Variants in DMD observed in about 807,000 individuals in gnomAD.
DMD encodes dystrophin.
A neutral mutation model predicts 330.1 loss-of-function variants in DMD; 63 were observed. That is an observed-to-expected ratio of 0.19 (90% confidence interval 0.16 to 0.24). DMD has a LOEUF of 0.24. DMD is among the 10% of genes least tolerant of loss of function. The pLI, the probability that DMD is intolerant of heterozygous loss-of-function variation, is 1.00. For synonymous variants in DMD, 1,223 were observed against 959.8 expected (o/e 1.27, Z -5.07); for missense variants, 3,344 against 2,684.1 (o/e 1.25, Z -5.43).
intron 11 of DMD, among the ~76,000 whole-genome samples, chrX:32,623,391 A>T (rs1473575963): frequency 8.9e-6 from 1 of 111,771 alleles, no homozygotes; most frequent in East Asian, 2.8e-4. Context: ...GGTTTAAATA[A>T]AGGGGTGACT....
At chrX:31,436,222 T>C (rs961199551) in intron 60 of DMD, among the ~76,000 whole-genome samples, 2 of 112,214 alleles carry the variant, frequency 1.8e-5, no homozygotes, top group Non-Finnish European at 3.8e-5. Flanking sequence ...AGTTCCCGAT[T>C]AAAACAAATT....
At chrX:31,582,076 A>AT (rs2076367158) in intron 55 of DMD, among the ~76,000 whole-genome samples, 1 of 111,593 alleles carries the variant, frequency 9.0e-6, no homozygotes, top group Non-Finnish European at 1.9e-5. Context: ...CACATTGTGC[A>AT]CATGTACCCT....
chrX:33,094,081 T>C (rs976936253), intron 1 of DMD, among the ~76,000 whole-genome samples: 3 of 111,221 alleles, frequency 2.7e-5, no homozygotes, highest in Non-Finnish European at 3.8e-5. Context: ...TGTGTGTTTT[T>C]TTTTTCTGCA....
intron 52 of DMD, among the ~76,000 whole-genome samples, chrX:31,680,440 C>T (rs955298331): frequency 2.7e-5 from 3 of 109,503 alleles, no homozygotes; most frequent in East Asian, 2.8e-4. Flanking sequence ...GTGCAATCTC[C>T]GCTCACTGCA....
intron 11 of DMD, among the ~76,000 whole-genome samples, chrX:32,620,210 T>C (rs1013593539): frequency 8.9e-6 from 1 of 111,991 alleles, no homozygotes; most frequent in African/African-American, 3.2e-5. Context: ...TCAGCATCTT[T>C]ATCCTCATAC....
intron 44 of DMD, among the ~76,000 whole-genome samples, chrX:32,205,005 T>TCTCTCTCTCACACACACA (rs60181300): frequency 1.0e-4 from 3 of 29,231 alleles, no homozygotes; most frequent in East Asian, 8.0e-4. Context: ...TCTCTCTCTC[T>TCTCTCTCTCACACACACA]CACATACACA....
chrX:31,206,127 C>T (rs1476953072), intron 66 of DMD, among the ~76,000 whole-genome samples: 2 of 112,458 alleles, frequency 1.8e-5, no homozygotes, highest in African/African-American at 6.5e-5. Context: ...AGTCACGTCA[C>T]GGAATTGGAT....
At chrX:32,608,042 T>C (rs1266889169) in intron 12 of DMD, among the ~76,000 whole-genome samples, 2 of 110,082 alleles carry the variant, frequency 1.8e-5, no homozygotes, top group African/African-American at 6.6e-5. Flanking sequence ...TGATCAGGTA[T>C]AATTTTCGTA....
chrX:31,346,483 C>T lies in DMD; in HGVS notation c.9163+2073G>A, dbSNP rs757336049. On this transcript the variant is annotated intron_variant, in intron 61 of 78. Transcript: ENST00000357033. The stretch of plus-strand genomic sequence containing the variant: ...GTGGTAAAGTATGGCTTTTTAAATA[C>T]CAAAAAACTCAACACATATACTTTT... Among the ~76,000 whole-genome samples, 5 of 110,464 alleles carry T rather than the reference C, an allele frequency of 4.5e-5. No homozygotes were observed. The East Asian group carries it at 1.4e-3, about 31-fold the overall frequency.
intron 2 of DMD, among the ~76,000 whole-genome samples, chrX:32,968,067 G>A (rs1354104925): frequency 9.0e-6 from 1 of 111,685 alleles, no homozygotes; most frequent in Non-Finnish European, 1.9e-5. Context: ...GTTCATCTTT[G>A]TATTTTAGGC....
intron 4 of DMD, among the ~76,000 whole-genome samples, chrX:32,835,595 T>C (rs1444509316): frequency 8.9e-6 from 1 of 111,977 alleles, no homozygotes; most frequent in Non-Finnish European, 1.9e-5. Flanking sequence ...AGAATGCAAA[T>C]TGGAACACAG....
chrX:32,146,992 G>A (rs1422099662), intron 44 of DMD, among the ~76,000 whole-genome samples: 1 of 112,080 alleles, frequency 8.9e-6, no homozygotes, highest in Admixed American at 9.5e-5. Context: ...GTCCCTTCAT[G>A]ATGGTACCTA....
rs201772598 is a variant in DMD, at chrX:31,474,731, AT to A, written c.8937+3374del. Among the ~76,000 whole-genome samples the A allele has an allele frequency of 2.5e-4, 26 of 104,444 alleles. 2 individuals are homozygous for A. In the East Asian group the frequency reaches 3.6e-3, roughly 14 times the overall value. The allele number at this position is 104,444 out of a possible 115,157, so 90.7% of individuals were successfully genotyped here. On this transcript the variant is annotated intron_variant, in intron 59 of 78. Transcript: ENST00000357033. Reference sequence around the variant, plus strand: ...CAAAAAAAAAATAAAATAAAATAAAATAAAATAAAATAAAATAAAATAAAAA... The same window carrying A: ...CAAAAAAAAAATAAAATAAAATAAAAAAAATAAAATAAAATAAAATAAAAA...
chrX:31,234,067 G>A (rs1043850777), intron 63 of DMD, among the ~76,000 whole-genome samples: 2 of 112,044 alleles, frequency 1.8e-5, no homozygotes, highest in Admixed American at 9.4e-5. Flanking sequence ...AGCTGCAACG[G>A]AGGCTCTGTT....
intron 62 of DMD, among the ~76,000 whole-genome samples, chrX:31,297,896 T>G (rs192690844): frequency 4.6e-3 from 512 of 112,495 alleles, no homozygotes; most frequent in Non-Finnish European, 7.6e-3. Flanking sequence ...TTGCTGCCTT[T>G]CAATACCACA....
chrX:33,312,560 T>C (rs1250421252), intron 1 of DMD, among the ~76,000 whole-genome samples: 2 of 111,767 alleles, frequency 1.8e-5, no homozygotes, highest in Non-Finnish European at 3.8e-5. Context: ...GTGGGTTGGA[T>C]GAAGGATGAC....
chrX:32,088,497 G>T, intron 44 of DMD, among the ~76,000 whole-genome samples: 1 of 90,660 alleles, frequency 1.1e-5, no homozygotes, highest in South Asian at 5.1e-4. Flanking sequence ...ATGAAGCGAT[G>T]ACTAAAAAAA....
At chrX:31,265,051 T>G (rs1438669981) in intron 62 of DMD, among the ~76,000 whole-genome samples, 2 of 112,855 alleles carry the variant, frequency 1.8e-5, no homozygotes, top group East Asian at 5.5e-4. Context: ...ACTGAAAATA[T>G]TCCAAACAGT....
intron 44 of DMD, among the ~76,000 whole-genome samples, chrX:32,191,518 C>A (rs948515599): frequency 1.8e-5 from 2 of 111,531 alleles, no homozygotes; most frequent in Admixed American, 9.5e-5. Context: ...GTTGTATACT[C>A]TTTGCCAGGA....
Sources: gnomAD v4.1 joint callset for allele counts (sites outside exome capture counted in the v4.1 genomes callset) on GRCh38, gnomAD v4.1.1 for gene constraint, MANE v1.5 for transcripts, NCBI Gene and HGNC (gene_info 2026-07-23, HGNC 2026-07-21) for gene names.